Variants in SPRED2 observed in about 807,000 individuals in gnomAD.
The protein encoded by SPRED2 is sprouty-related, EVH1 domain-containing protein 2.
A neutral mutation model predicts 43.0 loss-of-function variants in SPRED2; 47 were observed. The observed-to-expected ratio is 1.09, with a 90% confidence interval of 0.87 to 1.40. The LOEUF (loss-of-function observed/expected upper bound fraction) is 1.40, where lower values mean the gene tolerates loss of function less well. SPRED2 is among the 40% of genes most tolerant of loss of function. SPRED2 has a pLI of 0.00. For synonymous variants in SPRED2, 225 were observed against 225.7 expected, an observed-to-expected ratio of 1.00 and a Z score of 0.03; for missense variants, 561 against 586.4, an observed-to-expected ratio of 0.96 and a Z score of 0.45.
chr2:65,353,358 C>T (rs1009156910), intron 1 of SPRED2, among the ~76,000 whole-genome samples: 1 of 152,228 alleles, frequency 6.6e-6, no homozygotes, highest in Non-Finnish European at 1.5e-5. Flanking sequence ...TACACTGAAG[C>T]ATATAAATAA....
chr2:65,410,818 T>C (rs942867999), intron 1 of SPRED2, among the ~76,000 whole-genome samples: 1 of 152,032 alleles, frequency 6.6e-6, no homozygotes, highest in Non-Finnish European at 1.5e-5. Context: ...GAGGCTTTTA[T>C]AGATAATCAG....
intron 1 of SPRED2, among the ~76,000 whole-genome samples, chr2:65,346,093 C>G (rs959301366): frequency 2.6e-5 from 4 of 152,078 alleles, no homozygotes; most frequent in African/African-American, 9.7e-5. Context: ...AGGGAAGACG[C>G]CCTCACCCTG....
intron 4 of SPRED2, among the ~76,000 whole-genome samples, chr2:65,317,513 A>AAACAACAACAAC (rs200353741): frequency 2.0e-5 from 3 of 147,252 alleles, no homozygotes; most frequent in African/African-American, 7.6e-5. Flanking sequence ...ACTCCATCTC[A>AAACAACAACAAC]AACAACAACA....
At chr2:65,393,469 C>T (rs979936053) in intron 1 of SPRED2, among the ~76,000 whole-genome samples, 17 of 151,800 alleles carry the variant, frequency 1.1e-4, no homozygotes, top group African/African-American at 3.9e-4. Flanking sequence ...GTAGCTGTGA[C>T]TACACAGGCA....
intron 1 of SPRED2, chr2:65,366,592 G>A: frequency 6.4e-7 from 1 of 1,553,472 alleles, no homozygotes; most frequent in Non-Finnish European, 8.7e-7. Context: ...GCACGTACCT[G>A]CCAGGCGATG....
At chr2:65,308,181 G>A (rs546019901), downstream of SPRED2, 30 of 472,628 alleles carry the variant, frequency 6.3e-5, 1 homozygote, top group East Asian at 2.3e-3. Flanking sequence ...TGCAGGAGGC[G>A]ACCCCAAAGG....
chr2:65,431,937 C>G (rs1676706485), intron 1 of SPRED2, 25 bp downstream of exon 1: 2 of 1,613,586 alleles, frequency 1.2e-6, no homozygotes, highest in Admixed American at 3.3e-5. Flanking sequence ...GGGGCACCCT[C>G]GTCCCACCCC....
chr2:65,366,685 T>C (rs1291877886), intron 1 of SPRED2: 2 of 1,540,238 alleles, frequency 1.3e-6, no homozygotes, highest in Non-Finnish European at 1.7e-6. Flanking sequence ...ATGGATCGTC[T>C]CTTGCTGACC....
chr2:65,320,291 T>C (rs1361708092), intron 4 of SPRED2, among the ~76,000 whole-genome samples: 1 of 152,204 alleles, frequency 6.6e-6, no homozygotes. Flanking sequence ...ACCACTGTGT[T>C]AGTCATCTGT....
intron 1 of SPRED2, among the ~76,000 whole-genome samples, chr2:65,354,113 A>C (rs983567196): frequency 2.0e-5 from 3 of 152,232 alleles, no homozygotes; most frequent in Non-Finnish European, 2.9e-5. Context: ...GGAGCCTTTG[A>C]GGAAGTAGTT....
chr2:65,311,184 C>G lies in SPRED2; in HGVS notation c.*2317G>C. On this transcript the variant is annotated 3_prime_UTR_variant, in exon 6 of 6. Transcript: ENST00000356388. Reference sequence around the variant, plus strand: ...AAAATAAAATCTGAATAATTTCTCTCAAATGATTGACGTCAGTATGGCAAA... The same window carrying G: ...AAAATAAAATCTGAATAATTTCTCTGAAATGATTGACGTCAGTATGGCAAA... The G allele has an allele frequency of 1.0e-6, 1 of 985,810 alleles. No homozygotes were observed. Among genetic ancestry groups the G allele is most frequent in the African/African-American group, 1.7e-5 (1 of 57,350 alleles). The allele number at this position is 985,810 out of a possible 1,614,324, so 61.1% of individuals were successfully genotyped here. A position where few individuals can be genotyped will look rare whatever the true frequency, so the allele number is the denominator to read the frequency against.
At chr2:65,354,724 A>T (rs1674600532) in intron 1 of SPRED2, among the ~76,000 whole-genome samples, 1 of 152,146 alleles carries the variant, frequency 6.6e-6, no homozygotes, top group Non-Finnish European at 1.5e-5. Context: ...TATATACAAG[A>T]TGACAGACCA....
chr2:65,325,954 G>A (rs1208562213), intron 4 of SPRED2, among the ~76,000 whole-genome samples: 1 of 151,324 alleles, frequency 6.6e-6, no homozygotes, highest in Non-Finnish European at 1.5e-5. Context: ...CTGCACTCCA[G>A]CCTAGGTGAC....
intron 1 of SPRED2, among the ~76,000 whole-genome samples, chr2:65,384,754 T>A (rs1421808758): frequency 6.6e-6 from 1 of 152,132 alleles, no homozygotes; most frequent in African/African-American, 2.4e-5. Flanking sequence ...CCCTGTCAGG[T>A]CCCCATTCAG....
At chr2:65,326,214 A>G (rs952852572) in intron 4 of SPRED2, among the ~76,000 whole-genome samples, 2 of 151,596 alleles carry the variant, frequency 1.3e-5, no homozygotes, top group African/African-American at 2.4e-5. Flanking sequence ...AGTATTTACA[A>G]CTCCCCCCAC....
At chr2:65,336,526 C>A (rs1673971346) in intron 2 of SPRED2, among the ~76,000 whole-genome samples, 1 of 152,190 alleles carries the variant, frequency 6.6e-6, no homozygotes, top group Admixed American at 6.5e-5. Flanking sequence ...TCCCATAATT[C>A]TATTTATGAT....
At chr2:65,392,529 A>G (rs1431606766) in intron 1 of SPRED2, among the ~76,000 whole-genome samples, 1 of 152,196 alleles carries the variant, frequency 6.6e-6, no homozygotes, top group Non-Finnish European at 1.5e-5. Context: ...GAGGAGTTGA[A>G]TATCCACCTA....
chr2:65,319,606 A>G (rs1673351419), intron 4 of SPRED2, among the ~76,000 whole-genome samples: 1 of 152,178 alleles, frequency 6.6e-6, no homozygotes, highest in South Asian at 2.1e-4. Context: ...CTTCCAAAGC[A>G]GTCCCACAGG....
rs1195585273 is a variant in SPRED2 at position 65,380,012 on chromosome 2, A to G, written c.27-35116T>C. On this transcript the variant is annotated intron_variant, in intron 1 of 5. Coordinates refer to ENST00000356388, the MANE Select transcript of SPRED2 (RefSeq NM_181784.3). ...TCCGTGGCACTATACAAGGAGGTTG[A>G]GTGCTTCTTACACACCCAACTCTAA... 3.3e-5 allele frequency among the ~76,000 whole-genome samples: 5 copies of G among 152,298 alleles called. No individual in the cohort carries two copies. The East Asian group carries it at 9.7e-4, about 29-fold the overall frequency.
Sources: allele counts gnomAD v4.1 joint callset (sites outside exome capture counted in the v4.1 genomes callset), GRCh38; gene constraint gnomAD v4.1.1; transcripts MANE v1.5; gene names NCBI Gene and HGNC (gene_info 2026-07-23, HGNC 2026-07-21).